Variants in HIVEP2 observed in about 807,000 individuals in gnomAD.
The protein encoded by HIVEP2 is HIVEP zinc finger 2.
HIVEP2 carries 14 observed loss-of-function variants against 180.7 expected under a neutral mutation model. The observed-to-expected ratio is 0.08, with a 90% CI of 0.05 to 0.12. The LOEUF is 0.12. Among genes scored for constraint, HIVEP2 ranks in the 10% least tolerant of loss-of-function variants. The pLI is 1.00. For missense variants in HIVEP2, 2,579 were observed against 3,008.5 expected, an observed-to-expected ratio of 0.86 and a Z score of 3.34; for synonymous variants, 1,184 against 1,136.4, an observed-to-expected ratio of 1.04 and a Z score of -0.84.
chr6:142,793,881 G>A (rs191650037), intron 2 of HIVEP2: 1 of 151,882 alleles, frequency 6.6e-6, no homozygotes, highest in East Asian at 1.9e-4. Flanking sequence ...TGCCCAAGCT[G>A]GTCTCAAACT....
chr6:142,901,767 TCTC>T (rs1422292078), intron 1 of HIVEP2, among the ~76,000 whole-genome samples: 1 of 152,156 alleles, frequency 6.6e-6, no homozygotes, highest in East Asian at 1.9e-4. Flanking sequence ...TATTATGACT[TCTC>T]CTCCCACAGT....
At position 142,921,489 on chromosome 6, in the gene HIVEP2, T is replaced by A. The variant is rs545642647; in HGVS notation, c.-641+23610A>T. On this transcript the variant is annotated intron_variant, in intron 1 of 9. Transcript: ENST00000367603. ...GGCAGAGGTTGCAGTGAGCCGAGAT[T>A]GTGCCACTGCACTCCAGCCTTGGTC... Among the ~76,000 whole-genome samples the A allele has an allele frequency of 2.3e-4, 35 of 151,192 alleles. No homozygotes were observed. The East Asian group carries it at 5.8e-3, about 25-fold the overall frequency.
chr6:142,841,721 T>C (rs1287407634), intron 1 of HIVEP2, among the ~76,000 whole-genome samples: 1 of 152,152 alleles, frequency 6.6e-6, no homozygotes, highest in Non-Finnish European at 1.5e-5. Context: ...TTCAACATTT[T>C]GTTGTCCCAT....
intron 1 of HIVEP2, among the ~76,000 whole-genome samples, chr6:142,907,273 T>C (rs568664303): frequency 2.0e-5 from 3 of 152,314 alleles, no homozygotes; most frequent in African/African-American, 7.2e-5. Context: ...TCACATTGTT[T>C]GAATACAGGC....
At position 142,771,325 on chromosome 6, in the gene HIVEP2, C is replaced by T; in HGVS notation, c.3414G>A (p.Gln1138=). The part of the protein sequence containing the change: ...PPLQQEDPGK[Q]VAGPCPPLSS... ...TCAGCGGGGGACAAGGACCCGCCAC[C>T]TGCTTCCCTGGGTCCTCTTGCTGAA... Residue 1138 remains glutamine, a synonymous_variant, in exon 5 of 10, where the codon CAG becomes CAA. Transcript: ENST00000367603. This position sits in a 1 kb window ranked among gnomAD's most constrained non-coding sequence, Gnocchi z 5.4. 6.2e-7 allele frequency: 1 copy of T among 1,613,198 alleles called. No individual in the cohort carries two copies. Among genetic ancestry groups the T allele is most frequent in the South Asian group, 1.1e-5 (1 of 91,084 alleles).
intron 1 of HIVEP2, among the ~76,000 whole-genome samples, chr6:142,903,942 C>T (rs1777197786): frequency 6.6e-6 from 1 of 152,062 alleles, no homozygotes; most frequent in African/African-American, 2.4e-5. Flanking sequence ...ACCTTTTCCA[C>T]CAGAAGTGTC....
chr6:142,873,654 A>C (rs1776354682), intron 1 of HIVEP2, among the ~76,000 whole-genome samples: 1 of 152,158 alleles, frequency 6.6e-6, no homozygotes, highest in Non-Finnish European at 1.5e-5. Context: ...CGTATACTGA[A>C]TCTGGCATGA....
intron 3 of HIVEP2, among the ~76,000 whole-genome samples, chr6:142,777,563 GT>G (rs1187091233): frequency 1.4e-5 from 2 of 145,388 alleles, no homozygotes; most frequent in Non-Finnish European, 3.0e-5. Context: ...CAGGAGAATT[GT>G]TTGGACCCGG....
intron 1 of HIVEP2, among the ~76,000 whole-genome samples, chr6:142,895,305 T>G (rs1776959502): frequency 6.6e-6 from 1 of 152,216 alleles, no homozygotes; most frequent in Non-Finnish European, 1.5e-5. Context: ...TAGAAATGTT[T>G]TTTTCAGGAC....
At chr6:142,793,629 T>TTTTC (rs1562521168) in intron 2 of HIVEP2, among the ~76,000 whole-genome samples, 2 of 111,614 alleles carry the variant, frequency 1.8e-5, no homozygotes, top group Admixed American at 2.0e-4. Flanking sequence ...CTTCTCTTTC[T>TTTTC]TTCTTTCTTT....
At chr6:142,765,857 A>G (rs1775369572) in intron 6 of HIVEP2, among the ~76,000 whole-genome samples, 1 of 152,172 alleles carries the variant, frequency 6.6e-6, no homozygotes, top group Non-Finnish European at 1.5e-5. Flanking sequence ...GTCATAAGAT[A>G]TAGTAGTAGT....
chr6:142,882,377 A>G (rs1000679118), intron 1 of HIVEP2, among the ~76,000 whole-genome samples: 1 of 152,166 alleles, frequency 6.6e-6, no homozygotes, highest in Non-Finnish European at 1.5e-5. Context: ...CTGGGAGGCC[A>G]AGGTGAGAGG....
chr6:142,793,125 A>G (rs867680972), intron 2 of HIVEP2, among the ~76,000 whole-genome samples: 5 of 152,234 alleles, frequency 3.3e-5, no homozygotes, highest in Non-Finnish European at 7.3e-5. Flanking sequence ...GTCAATAACC[A>G]TATCCAAATA....
intron 1 of HIVEP2, among the ~76,000 whole-genome samples, chr6:142,869,541 T>G (rs1459725045): frequency 6.6e-6 from 1 of 152,162 alleles, no homozygotes; most frequent in Non-Finnish European, 1.5e-5. Flanking sequence ...ATTTTAAAAA[T>G]TCTGAAGTAC....
intron 2 of HIVEP2, among the ~76,000 whole-genome samples, chr6:142,793,002 A>C (rs2114728401): frequency 6.6e-6 from 1 of 152,254 alleles, no homozygotes; most frequent in African/African-American, 2.4e-5. Flanking sequence ...GAGGGGCTTG[A>C]TGAGTGGGGA....
chr6:142,936,270 G>A (rs530288038), intron 1 of HIVEP2, among the ~76,000 whole-genome samples: 1 of 151,262 alleles, frequency 6.6e-6, no homozygotes, highest in South Asian at 2.1e-4. Context: ...TCGGCTCACT[G>A]CAACCTCTAC....
At chr6:142,777,259 T>C (rs939731168) in intron 3 of HIVEP2, among the ~76,000 whole-genome samples, 1 of 152,188 alleles carries the variant, frequency 6.6e-6, no homozygotes, top group African/African-American at 2.4e-5. Flanking sequence ...ATGATAAAAC[T>C]GAGGCATTTA....
At chr6:142,857,236 T>C (rs1376640394) in intron 1 of HIVEP2, among the ~76,000 whole-genome samples, 4 of 151,948 alleles carry the variant, frequency 2.6e-5, no homozygotes, top group Middle Eastern at 3.4e-3. Flanking sequence ...AAAAAAGTCA[T>C]TTGCCATCAG....
At chr6:142,789,631 A>G (rs1776089995) in intron 2 of HIVEP2, among the ~76,000 whole-genome samples, 1 of 152,242 alleles carries the variant, frequency 6.6e-6, no homozygotes, top group Non-Finnish European at 1.5e-5. Context: ...CCCACAGCTC[A>G]TTATGATAGT....
Sources: allele counts gnomAD v4.1 joint callset (sites outside exome capture counted in the v4.1 genomes callset), GRCh38; gene constraint gnomAD v4.1.1; non-coding constraint Gnocchi (gnomAD v3.1); transcripts MANE v1.5; gene names NCBI Gene and HGNC (gene_info 2026-07-23, HGNC 2026-07-21).